Variants in DLC1 observed in about 807,000 individuals in gnomAD.
DLC1 encodes DLC1 Rho GTPase activating protein.
Under a neutral mutation model 140.3 loss-of-function variants are expected in DLC1, and 54 were observed. That is an observed-to-expected ratio of 0.38 (90% CI 0.31 to 0.48). The LOEUF (loss-of-function observed/expected upper bound fraction) is 0.48. Among genes scored for constraint, DLC1 ranks in the 20% least tolerant of loss-of-function variants. The pLI is 0.96. For synonymous variants in DLC1, 986 were observed against 728.1 expected (o/e 1.35, Z -5.70); for missense variants, 2,536 against 1,907.0 (o/e 1.33, Z -6.14).
intron 5 of DLC1, among the ~76,000 whole-genome samples, chr8:13,208,546 C>T (rs2117097500): frequency 6.6e-6 from 1 of 152,210 alleles, no homozygotes; most frequent in East Asian, 1.9e-4. Context: ...TTCTTTGGTG[C>T]AGGGTTTTTA....
At chr8:13,115,456 T>G in intron 6 of DLC1, 130 bp downstream of exon 6, 1 of 910,726 alleles carries the variant, frequency 1.1e-6, no homozygotes, top group Non-Finnish European at 1.6e-6. Context: ...TCTTGCATGC[T>G]TACAACATTT....
chr8:13,333,626 G>T (rs559421638), intron 4 of DLC1, among the ~76,000 whole-genome samples: 35 of 152,212 alleles, frequency 2.3e-4, no homozygotes, highest in African/African-American at 7.9e-4. Flanking sequence ...TCTCCTGCTT[G>T]TAACAGAACT....
intron 4 of DLC1, among the ~76,000 whole-genome samples, chr8:13,380,130 G>C (rs1173898038): frequency 1.3e-5 from 2 of 152,168 alleles, no homozygotes; most frequent in East Asian, 3.9e-4. Context: ...ATGGAAGGAA[G>C]TTTCATTAGC....
At chr8:13,310,666 A>G (rs1227322253) in intron 4 of DLC1, among the ~76,000 whole-genome samples, 1 of 152,242 alleles carries the variant, frequency 6.6e-6, no homozygotes, top group Non-Finnish European at 1.5e-5. Flanking sequence ...TTTTGAAATC[A>G]CGCCATTCTG....
intron 1 of DLC1, among the ~76,000 whole-genome samples, chr8:13,575,374 C>T (rs1187637605): frequency 6.6e-6 from 1 of 151,826 alleles, no homozygotes; most frequent in Non-Finnish European, 1.5e-5. Context: ...GTCTTTCAAG[C>T]AGATCTGAAA....
chr8:13,439,373 C>T (rs1235198266), intron 2 of DLC1, among the ~76,000 whole-genome samples: 1 of 152,064 alleles, frequency 6.6e-6, no homozygotes, highest in Non-Finnish European at 1.5e-5. Context: ...ATTTGGCCCA[C>T]AGGCAGTAGT....
In DLC1 at chr8:13,477,367, T is replaced by G. The variant is rs1287253398; in HGVS notation, c.1023+21682A>C. ...TGCTGGTGTGAGGTAATCAGGTATGTACAGCCACTACTGAGAAGCAGTAAG... is the reference window on the plus strand; with the variant it reads ...TGCTGGTGTGAGGTAATCAGGTATGGACAGCCACTACTGAGAAGCAGTAAG... On this transcript the variant is annotated intron_variant, in intron 2 of 17. Transcript: ENST00000276297. 2.0e-5 allele frequency among the ~76,000 whole-genome samples: 3 copies of G among 152,176 alleles called. No individual in the cohort carries two copies. In the East Asian group the frequency reaches 5.8e-4, roughly 29 times the overall value.
chr8:13,286,941 G>T (rs975052587), intron 5 of DLC1, among the ~76,000 whole-genome samples: 1 of 152,114 alleles, frequency 6.6e-6, no homozygotes, highest in African/African-American at 2.4e-5. Flanking sequence ...GGAAAGAGGG[G>T]ATCTGAGGTG....
chr8:13,191,304 C>G (rs865886400), intron 5 of DLC1, among the ~76,000 whole-genome samples: 2 of 152,122 alleles, frequency 1.3e-5, no homozygotes, highest in South Asian at 4.1e-4. Flanking sequence ...GTCAGCAGTT[C>G]AAGACCAGCC....
intron 5 of DLC1, among the ~76,000 whole-genome samples, chr8:13,156,189 T>A (rs529026647): frequency 1.3e-5 from 2 of 152,308 alleles, no homozygotes; most frequent in South Asian, 4.1e-4. Context: ...TTGCTTAATA[T>A]ATTATTAAGC....
At chr8:13,127,544 A>G (rs1367127386) in intron 5 of DLC1, among the ~76,000 whole-genome samples, 1 of 152,240 alleles carries the variant, frequency 6.6e-6, no homozygotes, top group African/African-American at 2.4e-5. Flanking sequence ...GTTTCTCCAG[A>G]ATCAGGAGGT....
At chr8:13,534,046 C>G (rs1169811487) in intron 1 of DLC1, among the ~76,000 whole-genome samples, 1 of 152,152 alleles carries the variant, frequency 6.6e-6, no homozygotes, top group African/African-American at 2.4e-5. Context: ...CATGCTATGT[C>G]CAAATAATTC....
At chr8:13,291,556 A>G (rs1563229023) in intron 5 of DLC1, among the ~76,000 whole-genome samples, 1 of 152,224 alleles carries the variant, frequency 6.6e-6, no homozygotes, top group South Asian at 2.1e-4. Context: ...ATAAATTCAT[A>G]GAAGTGATCA....
chr8:13,167,078 GTA>G (rs1354326762), intron 5 of DLC1, among the ~76,000 whole-genome samples: 2 of 152,140 alleles, frequency 1.3e-5, no homozygotes, highest in African/African-American at 4.8e-5. Flanking sequence ...AAAGGCCCTA[GTA>G]TATATTGAGC....
chr8:13,380,444 C>T (rs1339922534), intron 4 of DLC1, among the ~76,000 whole-genome samples: 1 of 152,148 alleles, frequency 6.6e-6, no homozygotes, highest in Non-Finnish European at 1.5e-5. Flanking sequence ...GTTTAATATT[C>T]CCCTTCCTCC....
intron 5 of DLC1, among the ~76,000 whole-genome samples, chr8:13,260,370 A>C (rs1830427127): frequency 6.6e-6 from 1 of 152,228 alleles, no homozygotes; most frequent in Non-Finnish European, 1.5e-5. Context: ...AAGGAAAGGC[A>C]GACGCAGAGA....
In DLC1 at chr8:13,599,095, A is replaced by T. The variant is rs138771509; in HGVS notation, c.-126+5442T>A. ...AGATAAAATCTGAAAATTATGAATT[A>T]TAAAACAAACTAGCATTCTGATTGA... On this transcript the variant is annotated intron_variant, in intron 1 of 1. Coordinates refer to the DLC1 transcript ENST00000631382. Among the ~76,000 whole-genome samples the T allele has an allele frequency of 5.1e-3, 778 of 152,072 alleles. 9 individuals are homozygous for T. The highest frequency in any genetic ancestry group is 0.018 in the African/African-American group (728 of 41,532).
chr8:13,498,970 T>C (rs1235189217), intron 2 of DLC1, 79 bp downstream of exon 2: 2 of 1,478,316 alleles, frequency 1.4e-6, no homozygotes, highest in South Asian at 1.4e-5. Context: ...ATCTTTTTAA[T>C]CCAAGCAAAA....
At chr8:13,370,542 T>C (rs1200299183) in intron 4 of DLC1, among the ~76,000 whole-genome samples, 1 of 152,142 alleles carries the variant, frequency 6.6e-6, no homozygotes, top group Non-Finnish European at 1.5e-5. Flanking sequence ...GGCATTATCC[T>C]TGATGTTCCT....
Sources: allele counts gnomAD v4.1 joint callset (sites outside exome capture counted in the v4.1 genomes callset), GRCh38; gene constraint gnomAD v4.1.1; transcripts MANE v1.5; gene names NCBI Gene and HGNC (gene_info 2026-07-23, HGNC 2026-07-21).